Variants in OPCML observed in about 807,000 individuals in gnomAD.
OPCML encodes opioid binding protein/cell adhesion molecule like, also known as opioid-binding protein/cell adhesion molecule.
Under a neutral mutation model 37.8 loss-of-function variants are expected in OPCML, and 13 were observed. The observed-to-expected ratio is 0.34, with a 90% CI of 0.22 to 0.55. The LOEUF is 0.55. Among genes scored for constraint, OPCML ranks in the 20% least tolerant of loss-of-function variants. OPCML has a pLI of 0.91. For synonymous variants in OPCML, 176 were observed against 168.8 expected, an observed-to-expected ratio of 1.04 and a Z score of -0.33; for missense variants, 341 against 435.6, an observed-to-expected ratio of 0.78 and a Z score of 1.93.
chr11:133,280,882 GT>G (rs1339043667), intron 1 of OPCML, among the ~76,000 whole-genome samples: 1 of 152,172 alleles, frequency 6.6e-6, no homozygotes, highest in Non-Finnish European at 1.5e-5. Context: ...GAGAAAGAAA[GT>G]TTTTATCAAG....
chr11:132,478,076 C>T (rs1053202164), intron 4 of OPCML, among the ~76,000 whole-genome samples: 1 of 151,974 alleles, frequency 6.6e-6, no homozygotes, highest in Non-Finnish European at 1.5e-5. Flanking sequence ...AGCAAGTTTG[C>T]AGAATATACT....
At chr11:132,705,342 G>A (rs1943990986) in intron 2 of OPCML, among the ~76,000 whole-genome samples, 1 of 152,040 alleles carries the variant, frequency 6.6e-6, no homozygotes, top group South Asian at 2.1e-4. Flanking sequence ...TGTCATCTGG[G>A]CACTTTGGGA....
At chr11:133,105,160 T>C (rs1362180298) in intron 1 of OPCML, among the ~76,000 whole-genome samples, 1 of 152,138 alleles carries the variant, frequency 6.6e-6, no homozygotes, top group Non-Finnish European at 1.5e-5. Context: ...AGATGGTGGC[T>C]AAAAATAAAA....
At chr11:132,818,752 T>G (rs1591650930) in intron 2 of OPCML, among the ~76,000 whole-genome samples, 1 of 148,518 alleles carries the variant, frequency 6.7e-6, no homozygotes, top group African/African-American at 2.5e-5. Flanking sequence ...TCAAAGTCCT[T>G]GCCTGCCAAA....
At chr11:132,963,655 C>T (rs902931592) in intron 1 of OPCML, among the ~76,000 whole-genome samples, 24 of 151,482 alleles carry the variant, frequency 1.6e-4, no homozygotes, top group Non-Finnish European at 3.2e-4. Flanking sequence ...ACTTCCTTCA[C>T]CATTCTTATA....
At chr11:132,880,549 C>A (rs985087099) in intron 2 of OPCML, among the ~76,000 whole-genome samples, 2 of 152,122 alleles carry the variant, frequency 1.3e-5, no homozygotes, top group Non-Finnish European at 2.9e-5. Context: ...CAGTGGCTTG[C>A]GGATTCTCAT....
intron 1 of OPCML, among the ~76,000 whole-genome samples, chr11:133,287,418 T>C (rs1168670349): frequency 6.6e-6 from 1 of 151,136 alleles, no homozygotes; most frequent in Non-Finnish European, 1.5e-5. Flanking sequence ...GGGCAAAATA[T>C]TGCTTCGACA....
intron 3 of OPCML, among the ~76,000 whole-genome samples, chr11:132,612,917 A>G (rs952212344): frequency 1.3e-5 from 2 of 152,184 alleles, no homozygotes; most frequent in Non-Finnish European, 1.5e-5. Context: ...CATCAGATTC[A>G]AGGCACAGCC....
chr11:133,358,906 G>T (rs1944352757), intron 1 of OPCML, among the ~76,000 whole-genome samples: 1 of 152,118 alleles, frequency 6.6e-6, no homozygotes, highest in South Asian at 2.1e-4. Flanking sequence ...TGTCTGATGG[G>T]TTTACAGAGA....
chr11:132,869,484 T>C (rs911106210), intron 2 of OPCML, among the ~76,000 whole-genome samples: 6 of 152,112 alleles, frequency 3.9e-5, no homozygotes, highest in African/African-American at 1.4e-4. Context: ...TGAATAAAAA[T>C]ACTTACAACC....
chr11:133,192,964 A>G (rs1214727388), intron 1 of OPCML, among the ~76,000 whole-genome samples: 1 of 151,620 alleles, frequency 6.6e-6, no homozygotes, highest in Non-Finnish European at 1.5e-5. Context: ...TAAATGGCAG[A>G]TTTTTTGGCT....
At chr11:133,035,491 A>C (rs1007978485) in intron 1 of OPCML, among the ~76,000 whole-genome samples, 4 of 152,324 alleles carry the variant, frequency 2.6e-5, no homozygotes, top group Admixed American at 2.0e-4. Flanking sequence ...CAGGAAATTG[A>C]GCCAGAACAG....
chr11:133,017,442 G>A (rs1006460675), intron 1 of OPCML, among the ~76,000 whole-genome samples: 1 of 151,510 alleles, frequency 6.6e-6, no homozygotes, highest in African/African-American at 2.4e-5. Context: ...CTGTCACCCA[G>A]GCTGGAGTGC....
At chr11:133,484,151 G>A (rs1289290378) in intron 1 of OPCML, among the ~76,000 whole-genome samples, 1 of 147,790 alleles carries the variant, frequency 6.8e-6, no homozygotes, top group African/African-American at 2.6e-5. Flanking sequence ...TAGATGGATA[G>A]ATAGATAGAT....
chr11:132,463,186 C>T (rs1169973481), intron 4 of OPCML, among the ~76,000 whole-genome samples: 1 of 152,232 alleles, frequency 6.6e-6, no homozygotes, highest in East Asian at 1.9e-4. Flanking sequence ...ATCAGCAATG[C>T]ACATCATTTC....
At chr11:132,658,547 C>T (rs750692295) in intron 2 of OPCML, among the ~76,000 whole-genome samples, 4 of 152,160 alleles carry the variant, frequency 2.6e-5, no homozygotes, top group Non-Finnish European at 5.9e-5. Context: ...TGATCTAGGG[C>T]GGTCCTCTCC....
rs372625305 is a variant in OPCML at position 133,140,883 on chromosome 11, C to A, written c.62-197873G>T. ...AAGACGACGACGACGAAGAAGACGA[C>A]GACGACGACGAAGACGACGACGACG... On this transcript the variant is annotated intron_variant, in intron 1 of 7. Coordinates refer to ENST00000524381, the MANE Select transcript of OPCML (RefSeq NM_001012393.5). 1.2e-3 allele frequency among the ~76,000 whole-genome samples: 10 copies of A among 8,300 alleles called. 1 individual carries two copies. The highest frequency in any genetic ancestry group is 1.4e-3 in the African/African-American group (8 of 5,706). 5.4% of individuals were successfully genotyped at this position (8,300 alleles called of 152,430 possible).
chr11:133,160,674 G>C (rs1315806223), intron 1 of OPCML, among the ~76,000 whole-genome samples: 1 of 152,206 alleles, frequency 6.6e-6, no homozygotes, highest in Non-Finnish European at 1.5e-5. Context: ...CTGCAACGCT[G>C]CTCTGGTGCA....
chr11:133,259,800 C>G (rs540052864), intron 1 of OPCML, among the ~76,000 whole-genome samples: 1 of 152,202 alleles, frequency 6.6e-6, no homozygotes, highest in Non-Finnish European at 1.5e-5. Flanking sequence ...AATCAATGCT[C>G]TATGCCCTGG....
Sources: gnomAD v4.1 joint callset for allele counts (sites outside exome capture counted in the v4.1 genomes callset) on GRCh38, gnomAD v4.1.1 for gene constraint, MANE v1.5 for transcripts, NCBI Gene and HGNC (gene_info 2026-07-23, HGNC 2026-07-21) for gene names.